UTRN: variants seen among roughly 807,000 people sequenced by gnomAD.
UTRN encodes utrophin.
In UTRN, 283 loss-of-function variants were observed where a neutral mutation model predicts 463.9. That is an observed-to-expected ratio of 0.61 (90% CI 0.55 to 0.67). The LOEUF (loss-of-function observed/expected upper bound fraction) is 0.67. UTRN is among the 30% of genes least tolerant of loss of function. UTRN has a pLI of 0.00. For synonymous variants in UTRN, 1,442 were observed against 1,431.5 expected (o/e 1.01, Z -0.17); for missense variants, 3,922 against 4,084.3 (o/e 0.96, Z 1.08).
rs114666542 is a variant in UTRN at position 144,848,646 on chromosome 6, T to C, written c.10293+1819T>C. Among the ~76,000 whole-genome samples, 602 of 152,238 alleles carry C rather than the reference T, an allele frequency of 4.0e-3. 5 individuals carry two copies. The highest frequency in any genetic ancestry group is 0.014 in the African/African-American group (581 of 41,540). On this transcript the variant is annotated intron_variant, in intron 74 of 74. Coordinates refer to ENST00000367545, the MANE Select transcript of UTRN (RefSeq NM_007124.3). ...ACTGAAATTAGAGGGGTTGCAAGTATTGGTAATGGTCCATATTTGGACCTT... is the reference window on the plus strand; with the variant it reads ...ACTGAAATTAGAGGGGTTGCAAGTACTGGTAATGGTCCATATTTGGACCTT...
intron 50 of UTRN, among the ~76,000 whole-genome samples, chr6:144,573,231 A>G (rs937917087): frequency 2.0e-5 from 3 of 151,908 alleles, no homozygotes; most frequent in African/African-American, 7.3e-5. Flanking sequence ...TTTTCTTGTA[A>G]ATTGTTTAAC....
chr6:144,681,826 T>C (rs1045476709), intron 52 of UTRN, among the ~76,000 whole-genome samples: 1 of 152,262 alleles, frequency 6.6e-6, no homozygotes. Context: ...TTTTAAAAAT[T>C]TTTTTAATTT....
At chr6:144,695,163 A>G (rs1235149730) in intron 52 of UTRN, among the ~76,000 whole-genome samples, 2 of 152,120 alleles carry the variant, frequency 1.3e-5, no homozygotes, top group Non-Finnish European at 2.9e-5. Flanking sequence ...TAAAAAGAAA[A>G]TGTCTGCTAA....
chr6:144,448,867 C>G, intron 17 of UTRN, 98 bp downstream of exon 17: 1 of 1,314,362 alleles, frequency 7.6e-7, no homozygotes, highest in African/African-American at 1.5e-5. Flanking sequence ...ATAGGCAAAT[C>G]TAGACATAAT....
intron 52 of UTRN, among the ~76,000 whole-genome samples, chr6:144,684,797 C>A (rs1262640676): frequency 1.3e-5 from 2 of 152,168 alleles, no homozygotes; most frequent in Non-Finnish European, 2.9e-5. Context: ...TATACTGGAC[C>A]TGTCTATCTA....
intron 2 of UTRN, among the ~76,000 whole-genome samples, chr6:144,301,778 G>A (rs554990908): frequency 1.3e-5 from 2 of 151,734 alleles, no homozygotes; most frequent in East Asian, 1.9e-4. Flanking sequence ...CAAGTGAACC[G>A]CCTGCCTTGG....
At chr6:144,296,077 G>C (rs999107323) in intron 2 of UTRN, among the ~76,000 whole-genome samples, 4 of 152,106 alleles carry the variant, frequency 2.6e-5, no homozygotes, top group Non-Finnish European at 5.9e-5. Flanking sequence ...AGCACTCTCT[G>C]GTACCTTTTC....
chr6:144,309,475 T>C (rs1215178677), intron 2 of UTRN, among the ~76,000 whole-genome samples: 1 of 152,218 alleles, frequency 6.6e-6, no homozygotes, highest in Non-Finnish European at 1.5e-5. Context: ...TTCTTCCAAT[T>C]GCCCCAGTTT....
Position 144,782,037 on chromosome 6 carries a change from T to G in UTRN, c.8748T>G (p.Asp2916Glu). Residue 2916 changes from aspartate to glutamate, a missense_variant, in exon 61 of 75, where the codon GAT becomes GAG. By Grantham distance (45) the Asp-to-Glu change is conservative (BLOSUM62 2). Transcript: ENST00000367545. ...TCAACTGTCTGACAACAACTTATGA[T>G]GGACTTGAGCAAATGCATAAGGACC... ...DVINCLTTTY[D>E]GLEQMHKDLV... 6.2e-7 allele frequency: 1 copy of G among 1,614,076 alleles called. No individual in the cohort carries two copies.
chr6:144,446,889 A>T lies in UTRN; in HGVS notation c.1615-322A>T, dbSNP rs1329701766. Among the ~76,000 whole-genome samples, 4 of 152,186 alleles carry T rather than the reference A, an allele frequency of 2.6e-5. 1 individual carries two copies. Among genetic ancestry groups the T allele is most frequent in the Admixed American group, 1.3e-4 (2 of 15,276 alleles). On this transcript the variant is annotated intron_variant, in intron 14 of 74. Coordinates refer to ENST00000367545, the MANE Select transcript of UTRN (RefSeq NM_007124.3). ...TCCGAGCTTACTTCTGCCTCTAGGA[A>T]GTTGTAATGTAATTCCTTTGGAGAC...
At chr6:144,394,898 C>G (rs1782262324) in intron 2 of UTRN, among the ~76,000 whole-genome samples, 1 of 151,986 alleles carries the variant, frequency 6.6e-6, no homozygotes, top group Non-Finnish European at 1.5e-5. Context: ...ATTTTTGCTG[C>G]TATTTTGACA....
chr6:144,795,187 C>A (rs1300490467), intron 63 of UTRN, among the ~76,000 whole-genome samples: 1 of 152,166 alleles, frequency 6.6e-6, no homozygotes, highest in Non-Finnish European at 1.5e-5. Context: ...CATTTCCCTG[C>A]AAGGGACATG....
At chr6:144,585,226 A>G (rs1013952353) in intron 51 of UTRN, among the ~76,000 whole-genome samples, 2 of 152,138 alleles carry the variant, frequency 1.3e-5, no homozygotes, top group Non-Finnish European at 1.5e-5. Context: ...AGACTTCTTG[A>G]TTTATAATTT....
intron 41 of UTRN, among the ~76,000 whole-genome samples, chr6:144,525,189 TA>T (rs1018791564): frequency 6.6e-6 from 1 of 152,168 alleles, no homozygotes; most frequent in African/African-American, 2.4e-5. Flanking sequence ...ATTAGGGTAA[TA>T]CTGGCTTCAT....
rs1340960933 is a variant in UTRN, at chr6:144,548,811, T to G, written c.6767T>G (p.Val2256Gly). 1.2e-6 allele frequency: 2 copies of G among 1,613,938 alleles called. No individual in the cohort carries two copies. Among genetic ancestry groups the G allele is most frequent in the Non-Finnish European group, 8.5e-7 (1 of 1,179,966 alleles). Residue 2256 changes from valine to glycine, a missense_variant, in exon 47 of 75, where the codon GTT becomes GGT. Val to Gly is a moderately radical substitution (Grantham distance 109). Transcript: ENST00000367545. The stretch of plus-strand genomic sequence containing the variant: ...ATGCTGAAGTCCAACATTGTCACTG[T>G]TGGGGATGTAGAAGAGATCAATAAG... ...DQMLKSNIVTVGDVEEINKTV... is the reference protein window; with the variant it reads ...DQMLKSNIVTGGDVEEINKTV...
At chr6:144,804,818 G>A (rs1425651017) in intron 65 of UTRN, among the ~76,000 whole-genome samples, 2 of 152,196 alleles carry the variant, frequency 1.3e-5, no homozygotes, top group Admixed American at 1.3e-4. Flanking sequence ...CAAAGGGACA[G>A]AGGAAGGATT....
chr6:144,302,458 C>T (rs893112936), intron 2 of UTRN, among the ~76,000 whole-genome samples: 5 of 148,186 alleles, frequency 3.4e-5, no homozygotes, highest in Admixed American at 6.7e-5. Flanking sequence ...TGTAGTGAGA[C>T]GAGATTGTGC....
chr6:144,769,547 T>C (rs936169206), intron 58 of UTRN, among the ~76,000 whole-genome samples: 1 of 152,234 alleles, frequency 6.6e-6, no homozygotes, highest in African/African-American at 2.4e-5. Flanking sequence ...CCTTGAATTC[T>C]TAGTCCTCCG....
intron 53 of UTRN, among the ~76,000 whole-genome samples, chr6:144,724,321 C>T (rs960766182): frequency 3.3e-5 from 5 of 150,162 alleles, no homozygotes; most frequent in Admixed American, 6.6e-5. Context: ...CTCTGCCTCC[C>T]GAGTTCAAGT....
Sources: gnomAD v4.1 joint callset for allele counts (sites outside exome capture counted in the v4.1 genomes callset) on GRCh38, gnomAD v4.1.1 for gene constraint, MANE v1.5 for transcripts, NCBI Gene and HGNC (gene_info 2026-07-23, HGNC 2026-07-21) for gene names.